The following MTMR2 variants were observed in gnomAD, a reference collection of about 807,000 sequenced individuals.
The protein encoded by MTMR2 is phosphatidylinositol-3,5-bisphosphate 3-phosphatase MTMR2.
In MTMR2, 55 loss-of-function variants were observed where a neutral mutation model predicts 86.9. The ratio of observed to expected loss-of-function variants is 0.63; its 90% CI spans 0.51 to 0.79. The LOEUF (loss-of-function observed/expected upper bound fraction) is 0.79, where lower values mean the gene tolerates loss of function less well. MTMR2 is among the 30% of genes least tolerant of loss of function. The pLI is 0.00. For synonymous variants in MTMR2, 241 were observed against 266.8 expected (o/e 0.90, Z 0.94); for missense variants, 659 against 772.3 (o/e 0.85, Z 1.74).
At chr11:95,908,624 T>C (rs1866382516) in intron 1 of MTMR2, among the ~76,000 whole-genome samples, 1 of 152,234 alleles carries the variant, frequency 6.6e-6, no homozygotes, top group South Asian at 2.1e-4. Context: ...AACAGCATGA[T>C]ACTGGTACAA....
intron 1 of MTMR2, among the ~76,000 whole-genome samples, chr11:95,906,441 C>T (rs1347226138): frequency 6.6e-6 from 1 of 152,100 alleles, no homozygotes; most frequent in Non-Finnish European, 1.5e-5. Context: ...GATAACCACA[C>T]AATAATAGTG....
At chr11:95,847,600 A>AT in intron 10 of MTMR2, 114 bp downstream of exon 10, 2 of 975,500 alleles carry the variant, frequency 2.1e-6, no homozygotes, top group Non-Finnish European at 3.3e-6. Flanking sequence ...GCATTTACCC[A>AT]TTTTTCATTG....
intron 1 of MTMR2, among the ~76,000 whole-genome samples, chr11:95,912,414 T>TATTTCTAAAAAAAA (rs1555075211): frequency 4.0e-5 from 6 of 151,694 alleles, no homozygotes; most frequent in African/African-American, 1.4e-4. Flanking sequence ...TTGAAAAATA[T>TATTTCTAAAAAAAA]AATAATTTTT....
chr11:95,876,699 A>G (rs1325009056), intron 2 of MTMR2, among the ~76,000 whole-genome samples: 1 of 152,188 alleles, frequency 6.6e-6, no homozygotes, highest in East Asian at 1.9e-4. Flanking sequence ...TAATCAGTTT[A>G]GTATTCCTCC....
rs1193533904 is a variant in MTMR2 at position 95,857,656 on chromosome 11, G to C, written c.571-21C>G. The C allele has an allele frequency of 2.7e-6, 4 of 1,465,060 alleles. No homozygotes were observed. The South Asian group carries it at 3.4e-5, about 12-fold the overall frequency. The allele number at this position is 1,465,060 out of a possible 1,614,324, so 90.8% of individuals were successfully genotyped here. ...AGAGGCTACAAAAAAGTAAACAATG[G>C]TAAGAGCTAAAAAAGATATTCACAA... On this transcript the variant is annotated intron_variant, in intron 6 of 14. Coordinates refer to ENST00000346299, the MANE Select transcript of MTMR2 (RefSeq NM_016156.6).
rs185179131 is a variant in MTMR2, at chr11:95,918,532, C to T, written c.80+5343G>A. ...AAAGCTACATAATTACTATGTCAGA[C>T]CAATATTGTTTCTTATCTAAGAGAA... On this transcript the variant is annotated intron_variant, in intron 1 of 14. Coordinates refer to ENST00000346299, the MANE Select transcript of MTMR2 (RefSeq NM_016156.6). 5.1e-3 allele frequency among the ~76,000 whole-genome samples: 782 copies of T among 152,254 alleles called. 4 individuals carry two copies. Among genetic ancestry groups the T allele is most frequent in the Non-Finnish European group, 8.5e-3 (580 of 68,010 alleles).
intron 14 of MTMR2, among the ~76,000 whole-genome samples, chr11:95,835,819 A>G (rs540994414): frequency 5.9e-5 from 9 of 152,208 alleles, no homozygotes; most frequent in Non-Finnish European, 8.8e-5. Flanking sequence ...TATTCACAGT[A>G]GACCAGAATT....
At chr11:95,848,811 G>A (rs1167096953) in intron 9 of MTMR2, among the ~76,000 whole-genome samples, 3 of 152,084 alleles carry the variant, frequency 2.0e-5, no homozygotes, top group East Asian at 1.9e-4. Context: ...CTGGGAAATC[G>A]TTTGGCACAA....
chr11:95,914,722 A>G (rs558769065), intron 1 of MTMR2, among the ~76,000 whole-genome samples: 19 of 152,218 alleles, frequency 1.2e-4, no homozygotes, highest in Non-Finnish European at 2.4e-4. Flanking sequence ...CTACCACCCA[A>G]TCAACCTGCC....
chr11:95,920,075 A>G (rs960649089), intron 1 of MTMR2, among the ~76,000 whole-genome samples: 13 of 152,190 alleles, frequency 8.5e-5, no homozygotes, highest in Admixed American at 5.9e-4. Context: ...TATTTTACCT[A>G]TATCTTATAA....
At chr11:95,857,828 C>T (rs1590992546) in intron 6 of MTMR2, among the ~76,000 whole-genome samples, 193 bp from the exon 7 acceptor site, 1 of 152,096 alleles carries the variant, frequency 6.6e-6, no homozygotes, top group Non-Finnish European at 1.5e-5. Flanking sequence ...TTTAAGCATA[C>T]AAAAAAGCAA....
intron 1 of MTMR2, among the ~76,000 whole-genome samples, chr11:95,920,046 C>T (rs1164803180): frequency 6.6e-6 from 1 of 152,164 alleles, no homozygotes; most frequent in African/African-American, 2.4e-5. Flanking sequence ...CTCTTATTAT[C>T]ACATCTGACC....
intron 11 of MTMR2, 47 bp downstream of exon 11, chr11:95,844,906 T>C (rs1863707501): frequency 6.8e-7 from 1 of 1,476,210 alleles, no homozygotes; most frequent in Non-Finnish European, 9.4e-7. Flanking sequence ...TCACATGCCT[T>C]GGCATGAATG....
intron 7 of MTMR2, among the ~76,000 whole-genome samples, chr11:95,851,669 C>T (rs548391235): frequency 3.9e-5 from 6 of 152,320 alleles, no homozygotes; most frequent in Non-Finnish European, 5.9e-5. Flanking sequence ...ACTTTGTTGC[C>T]ATTCATCTAT....
chr11:95,896,677 C>T (rs1865890611), intron 1 of MTMR2, among the ~76,000 whole-genome samples: 1 of 151,740 alleles, frequency 6.6e-6, no homozygotes, highest in South Asian at 2.1e-4. Flanking sequence ...CATCAGAGGC[C>T]ATCACTAGAA....
chr11:95,835,411 C>T lies in MTMR2; in HGVS notation c.1811G>A (p.Arg604Gln), dbSNP rs750836112. The change falls in exon 15 of 15, where the codon CGA (arginine) becomes CAA (glutamine). Residue 604 changes from arginine to glutamine, a missense_variant. Arg to Gln is a conservative substitution (Grantham distance 43). Transcript: ENST00000346299. Reference protein sequence around the residue: ...HNRYKELLAKRAELQKKVEEL... With the variant: ...HNRYKELLAKQAELQKKVEEL... ...CTCTACTTTTTTCTGAAGCTCTGCT[C>T]GTTTAGCAAGAAGTTCTTTGTATCT... The T allele has an allele frequency of 1.4e-5, 22 of 1,612,932 alleles. No homozygotes were observed. Among genetic ancestry groups the T allele is most frequent in the Non-Finnish European group, 1.8e-5 (21 of 1,179,288 alleles).
At chr11:95,849,934 G>C in intron 8 of MTMR2, 72 bp from the exon 9 acceptor site, 2 of 1,376,442 alleles carry the variant, frequency 1.5e-6, no homozygotes, top group Non-Finnish European at 2.1e-6. Context: ...ACAGTACTCA[G>C]TAAAGCTCTG....
chr11:95,842,291 A>G (rs1174416286), intron 11 of MTMR2, among the ~76,000 whole-genome samples: 1 of 152,216 alleles, frequency 6.6e-6, no homozygotes, highest in East Asian at 1.9e-4. Flanking sequence ...GGAAGCAGTC[A>G]GAACCTCAGA....
Position 95,836,019 on chromosome 11 carries a change from G to A in MTMR2, c.1770+129C>T, listed in dbSNP as rs499637. Reference sequence around the variant, plus strand: ...CCAGTGTAGTATTTTTCTACTATACGATTGTTAACTATCAATGGGTAAGGA... The same window carrying A: ...CCAGTGTAGTATTTTTCTACTATACAATTGTTAACTATCAATGGGTAAGGA... On this transcript the variant is annotated intron_variant, in intron 14 of 14. Coordinates refer to ENST00000346299, the MANE Select transcript of MTMR2 (RefSeq NM_016156.6). 0.52 allele frequency: 487,684 copies of A among 940,620 alleles called. 131,513 individuals carry two copies. Among genetic ancestry groups the A allele is most frequent in the African/African-American group, 0.86 (53,214 of 61,976 alleles). 58.3% of individuals were successfully genotyped at this position (940,620 alleles called of 1,614,324 possible). A position where few individuals can be genotyped will look rare whatever the true frequency, so the allele number is the denominator to read the frequency against.
Sources: gnomAD v4.1 joint callset for allele counts (sites outside exome capture counted in the v4.1 genomes callset) on GRCh38, gnomAD v4.1.1 for gene constraint, MANE v1.5 for transcripts, NCBI Gene and HGNC (gene_info 2026-07-23, HGNC 2026-07-21) for gene names.